Variants in IFT81 observed in about 807,000 individuals in gnomAD.
The protein encoded by IFT81 is intraflagellar transport protein 81 homolog.
In IFT81, 72 loss-of-function variants were observed where a neutral mutation model predicts 102.6. The ratio of observed to expected loss-of-function variants is 0.70; its 90% CI spans 0.58 to 0.85. IFT81 has a LOEUF of 0.85. IFT81 is among the 40% of genes least tolerant of loss of function. IFT81 has a pLI of 0.00. For synonymous variants in IFT81, 237 were observed against 242.7 expected (o/e 0.98, Z 0.22); for missense variants, 723 against 787.3 (o/e 0.92, Z 0.98).
chr12:110,161,648 C>T (rs910119042), intron 10 of IFT81, among the ~76,000 whole-genome samples: 6 of 151,090 alleles, frequency 4.0e-5, no homozygotes, highest in Non-Finnish European at 7.4e-5. Flanking sequence ...GAGTCAGGAT[C>T]TCACTATGTT....
chr12:110,191,081 T>C (rs1331555377), intron 13 of IFT81, 33 bp downstream of exon 13: 1 of 1,578,230 alleles, frequency 6.3e-7, no homozygotes, highest in African/African-American at 1.4e-5. Context: ...TTTCTTTTAT[T>C]GTGTAGCTAG....
chr12:110,201,735 C>T (rs968383326), intron 14 of IFT81, among the ~76,000 whole-genome samples: 1 of 152,110 alleles, frequency 6.6e-6, no homozygotes, highest in African/African-American at 2.4e-5. Flanking sequence ...GATTGTGCCA[C>T]CACACCCAGG....
intron 14 of IFT81, among the ~76,000 whole-genome samples, chr12:110,198,305 G>GA (rs1018092765): frequency 7.4e-5 from 11 of 148,178 alleles, no homozygotes; most frequent in East Asian, 2.0e-4. Flanking sequence ...GGCTTGGTCA[G>GA]AAAAAAAAAA....
intron 14 of IFT81, among the ~76,000 whole-genome samples, chr12:110,201,875 A>G (rs969519523): frequency 2.0e-5 from 3 of 152,220 alleles, no homozygotes; most frequent in African/African-American, 4.8e-5. Context: ...CTTCAAGAGC[A>G]ATAACACACA....
At chr12:110,177,153 G>T (rs1041092402) in intron 11 of IFT81, among the ~76,000 whole-genome samples, 1 of 152,156 alleles carries the variant, frequency 6.6e-6, no homozygotes, top group African/African-American at 2.4e-5. Context: ...GAAAATTTGT[G>T]GTGTGAGGGC....
At chr12:110,180,679 T>TA in intron 12 of IFT81, 108 bp downstream of exon 12, 1 of 718,242 alleles carries the variant, frequency 1.4e-6, no homozygotes, top group Non-Finnish European at 2.1e-6. Flanking sequence ...ATAAAAGTAT[T>TA]ACTTTTCTCT....
Position 110,163,024 on chromosome 12 carries a change from A to T in IFT81, c.1147A>T (p.Thr383Ser). 2 of 1,613,950 alleles carry T rather than the reference A, an allele frequency of 1.2e-6. No homozygotes were observed. Among genetic ancestry groups the T allele is most frequent in the Non-Finnish European group, 1.7e-6 (2 of 1,179,934 alleles). Reference protein sequence around the residue: ...EREASVKRNQTREFDGTEVLK... With the variant: ...EREASVKRNQSREFDGTEVLK... ...AGAAGCATCAGTAAAGAGAAATCAG[A>T]CCCGTGAATTTGATGGTACTGAAGT... Residue 383 changes from threonine (T) to serine (S), a missense_variant, in exon 11 of 19, where the codon ACC (threonine) becomes TCC (serine). Coordinates refer to ENST00000242591, the MANE Select transcript of IFT81 (RefSeq NM_014055.4).
chr12:110,166,870 G>A (rs535294468), intron 11 of IFT81, among the ~76,000 whole-genome samples: 1 of 151,856 alleles, frequency 6.6e-6, no homozygotes, highest in East Asian at 1.9e-4. Flanking sequence ...TTGTTTGGAT[G>A]TAAAACTTTA....
At position 110,136,866 on chromosome 12, in the gene IFT81, T is replaced by A; in HGVS notation, c.781+6T>A. The A allele has an allele frequency of 6.4e-7, 1 of 1,569,634 alleles. No homozygotes were observed. Among genetic ancestry groups the A allele is most frequent in the Non-Finnish European group, 8.7e-7 (1 of 1,142,932 alleles). ...AGCAGATGCAAAGCCTGAAAGTAAG[T>A]GGAAATTATTATATGGTATAGATGA... On this transcript the variant is annotated splice_donor_region_variant and intron_variant, in intron 8 of 18. Transcript: ENST00000242591.
At chr12:110,156,198 TTAA>T (rs1160690770) in intron 10 of IFT81, among the ~76,000 whole-genome samples, 2 of 152,232 alleles carry the variant, frequency 1.3e-5, no homozygotes, top group African/African-American at 4.8e-5. Context: ...CATTCAGCTA[TTAA>T]TAATAATTGT....
chr12:110,134,796 AG>A, intron 5 of IFT81, 151 bp from the exon 6 acceptor site: 1 of 599,696 alleles, frequency 1.7e-6, no homozygotes. Flanking sequence ...GGGGAAAAAT[AG>A]AAATGACCTT....
At chr12:110,197,798 C>T (rs1205810426) in intron 14 of IFT81, among the ~76,000 whole-genome samples, 3 of 151,914 alleles carry the variant, frequency 2.0e-5, no homozygotes, top group Non-Finnish European at 1.5e-5. Context: ...CCGCAACTTC[C>T]GCCTCCTGGG....
intron 4 of IFT81, among the ~76,000 whole-genome samples, chr12:110,130,260 C>T (rs900116662): frequency 6.6e-6 from 1 of 152,028 alleles, no homozygotes; most frequent in African/African-American, 2.4e-5. Context: ...ATATTTTACA[C>T]AATGTGGGAA....
At position 110,168,358 on chromosome 12, in the gene IFT81, T is replaced by C. The variant is rs116659731; in HGVS notation, c.1188+5293T>C. The C allele has an allele frequency of 3.9e-3, 737 of 188,534 alleles. 10 individuals are homozygous for C. The highest frequency in any genetic ancestry group is 0.017 in the African/African-American group (709 of 42,142). The allele number at this position is 188,534 out of a possible 1,614,324, so 11.7% of individuals were successfully genotyped here. On this transcript the variant is annotated intron_variant, in intron 11 of 18. Coordinates refer to ENST00000242591, the MANE Select transcript of IFT81 (RefSeq NM_014055.4). ...CCTGAAACACATGATGGAATTATAA[T>C]TCAGAATCATCTTGGTAGATAGGGG... is the stretch of plus-strand genomic sequence containing the variant.
chr12:110,179,643 C>T (rs1224204629), intron 11 of IFT81, among the ~76,000 whole-genome samples: 3 of 148,032 alleles, frequency 2.0e-5, no homozygotes, highest in Non-Finnish European at 4.5e-5. Flanking sequence ...ATTGCTTGAT[C>T]CCAGGAGGTT....
At chr12:110,190,088 C>A (rs990009043) in intron 12 of IFT81, among the ~76,000 whole-genome samples, 1 of 152,148 alleles carries the variant, frequency 6.6e-6, no homozygotes, top group Non-Finnish European at 1.5e-5. Flanking sequence ...TAACTCTGAA[C>A]CTTTCAACAG....
intron 18 of IFT81, among the ~76,000 whole-genome samples, chr12:110,215,438 C>T (rs1179138901): frequency 9.5e-6 from 1 of 105,792 alleles, no homozygotes; most frequent in African/African-American, 3.8e-5. Context: ...TTTTTCTTCT[C>T]TTCTTCTTCT....
At position 110,150,853 on chromosome 12, in the gene IFT81, C is replaced by G. The variant is rs554440875; in HGVS notation, c.1041+3805C>G. Among the ~76,000 whole-genome samples the G allele has an allele frequency of 6.6e-5, 10 of 152,126 alleles. 1 individual carries two copies. In the South Asian group the frequency reaches 2.1e-3, roughly 32 times the overall value. On this transcript the variant is annotated intron_variant, in intron 10 of 18. Transcript: ENST00000242591. ...TTTTAAATTTCACACTTTATTATTC[C>G]ATTAGAAATATTATATAGACGTATA...
rs995732365 is a variant in IFT81 at position 110,187,274 on chromosome 12, T to C, written c.1339-3646T>C. On this transcript the variant is annotated intron_variant, in intron 12 of 18. Transcript: ENST00000242591. ...TTCCTGTTGTTTTTGTTTTTGTTTT[T>C]GTTTTTTGAGACAGAGTCTCACTCT... Among the ~76,000 whole-genome samples the C allele has an allele frequency of 2.5e-4, 38 of 152,118 alleles. 2 individuals carry two copies. Among genetic ancestry groups the C allele is most frequent in the Admixed American group, 2.1e-3 (32 of 15,268 alleles).
Sources: allele counts gnomAD v4.1 joint callset (sites outside exome capture counted in the v4.1 genomes callset), GRCh38; gene constraint gnomAD v4.1.1; transcripts MANE v1.5; gene names NCBI Gene and HGNC (gene_info 2026-07-23, HGNC 2026-07-21).